The following PITPNC1 variants were observed in gnomAD, a reference collection of about 807,000 sequenced individuals.
The protein encoded by PITPNC1 is phosphatidylinositol transfer protein cytoplasmic 1.
PITPNC1 carries 18 observed loss-of-function variants against 44.7 expected under a neutral mutation model. The ratio of observed to expected loss-of-function variants is 0.40; its 90% CI spans 0.28 to 0.60. The LOEUF is 0.60. Among genes scored for constraint, PITPNC1 ranks in the 20% least tolerant of loss-of-function variants. The pLI is 0.39. For missense variants in PITPNC1, 290 were observed against 418.4 expected, an observed-to-expected ratio of 0.69 and a Z score of 2.68; for synonymous variants, 141 against 149.6, an observed-to-expected ratio of 0.94 and a Z score of 0.42.
chr17:67,533,333 C>T (rs894062404), intron 2 of PITPNC1, among the ~76,000 whole-genome samples: 2 of 152,306 alleles, frequency 1.3e-5, no homozygotes, highest in South Asian at 2.1e-4. Flanking sequence ...TCTGCAAAAT[C>T]GTCCTCAACT....
chr17:67,427,838 G>A (rs1320218047), intron 1 of PITPNC1, among the ~76,000 whole-genome samples: 1 of 152,188 alleles, frequency 6.6e-6, no homozygotes, highest in African/African-American at 2.4e-5. Flanking sequence ...TCGTGAGCAA[G>A]GTGCCTAGAA....
At chr17:67,647,017 T>A (rs554987167) in intron 6 of PITPNC1, among the ~76,000 whole-genome samples, 31 of 152,284 alleles carry the variant, frequency 2.0e-4, no homozygotes, top group Admixed American at 2.0e-4. Context: ...TCTTTGGAAA[T>A]CACTCTAAGA....
At chr17:67,563,439 C>G (rs570941291) in intron 4 of PITPNC1, among the ~76,000 whole-genome samples, 6 of 152,324 alleles carry the variant, frequency 3.9e-5, no homozygotes, top group African/African-American at 1.4e-4. Context: ...CTCAACTCTT[C>G]CATTTAACTT....
intron 1 of PITPNC1, among the ~76,000 whole-genome samples, chr17:67,530,134 CA>C (rs1391819392): frequency 7.2e-6 from 1 of 139,536 alleles, no homozygotes; most frequent in East Asian, 2.2e-4. Context: ...CTCTGTCATC[CA>C]GACTAGAGAG....
chr17:67,455,159 C>T (rs2143959419), intron 1 of PITPNC1, among the ~76,000 whole-genome samples: 1 of 152,258 alleles, frequency 6.6e-6, no homozygotes, highest in South Asian at 2.1e-4. Flanking sequence ...CCATACTATG[C>T]ATACTGCTTT....
intron 1 of PITPNC1, among the ~76,000 whole-genome samples, chr17:67,490,962 T>C (rs1417428343): frequency 6.6e-6 from 1 of 152,242 alleles, no homozygotes; most frequent in Non-Finnish European, 1.5e-5. Flanking sequence ...AGGTTTTGTT[T>C]TGTTTTGTTT....
chr17:67,391,685 T>C (rs1174409915), intron 1 of PITPNC1, among the ~76,000 whole-genome samples: 1 of 152,082 alleles, frequency 6.6e-6, no homozygotes, highest in Non-Finnish European at 1.5e-5. Context: ...TTCACCAGGT[T>C]GGCCAGGCTG....
At chr17:67,594,326 A>G (rs558474892) in intron 5 of PITPNC1, among the ~76,000 whole-genome samples, 2 of 152,172 alleles carry the variant, frequency 1.3e-5, no homozygotes, top group East Asian at 3.9e-4. Context: ...GTTATACCTC[A>G]TGGGAACCAC....
At chr17:67,582,963 C>T in intron 5 of PITPNC1, among the ~76,000 whole-genome samples, 1 of 152,210 alleles carries the variant, frequency 6.6e-6, no homozygotes, top group East Asian at 1.9e-4. Flanking sequence ...TTTACTTCCT[C>T]TTCCAAACAA....
chr17:67,579,155 C>T (rs2041192401), intron 5 of PITPNC1, among the ~76,000 whole-genome samples: 1 of 152,262 alleles, frequency 6.6e-6, no homozygotes. Context: ...TACTAAATTT[C>T]AGCCAAGTAT....
intron 1 of PITPNC1, among the ~76,000 whole-genome samples, chr17:67,399,817 C>A (rs1215817932): frequency 6.6e-6 from 1 of 152,190 alleles, no homozygotes; most frequent in Admixed American, 6.5e-5. Context: ...GCCAAAGTAC[C>A]TGTAAGTTGC....
intron 1 of PITPNC1, among the ~76,000 whole-genome samples, chr17:67,459,460 A>G (rs571332403): frequency 1.3e-5 from 2 of 152,166 alleles, no homozygotes; most frequent in East Asian, 3.9e-4. Flanking sequence ...ATGGTGACTC[A>G]TGGTTTCACC....
rs573583404 is a variant in PITPNC1, at chr17:67,426,685, T to G, written c.48+48483T>G. Among the ~76,000 whole-genome samples, 5 of 151,920 alleles carry G rather than the reference T, an allele frequency of 3.3e-5. No individual in the cohort carries two copies. The East Asian group carries it at 9.7e-4, about 29-fold the overall frequency. On this transcript the variant is annotated intron_variant, in intron 1 of 8. Transcript: ENST00000581322. ...AACCACCATGGCACACATATACCTA[T>G]GTAACAAAACTGCTCATTCTGCACA...
chr17:67,494,324 C>T (rs868715260), intron 1 of PITPNC1, among the ~76,000 whole-genome samples: 1 of 151,762 alleles, frequency 6.6e-6, no homozygotes, highest in East Asian at 1.9e-4. Flanking sequence ...CTCAGCCTCC[C>T]GAGTACCTGT....
chr17:67,671,828 A>G (rs982686066), intron 7 of PITPNC1, among the ~76,000 whole-genome samples: 1 of 152,174 alleles, frequency 6.6e-6, no homozygotes, highest in Non-Finnish European at 1.5e-5. Flanking sequence ...CTTTGTGTCT[A>G]TCTAAGGCAG....
chr17:67,599,036 T>TATATGTATA (rs1568059523), intron 5 of PITPNC1, among the ~76,000 whole-genome samples: 2 of 32,924 alleles, frequency 6.1e-5, no homozygotes, highest in Non-Finnish European at 1.2e-4. Flanking sequence ...ATATATATAT[T>TATATGTATA]TTTTTTTTTT....
At chr17:67,621,180 C>CATTTT (rs10653389) in intron 5 of PITPNC1, among the ~76,000 whole-genome samples, 10,793 of 129,712 alleles carry the variant, frequency 0.083, 617 homozygotes, top group Admixed American at 0.14. Flanking sequence ...GTCTGAAGCA[C>CATTTT]ATTTTATTTT....
intron 5 of PITPNC1, among the ~76,000 whole-genome samples, chr17:67,616,726 T>C (rs2041762209): frequency 1.3e-5 from 2 of 152,214 alleles, no homozygotes; most frequent in Non-Finnish European, 2.9e-5. Context: ...GGGACCCCAC[T>C]GTGGATTCCT....
intron 8 of PITPNC1, among the ~76,000 whole-genome samples, chr17:67,687,560 T>C (rs1159557786): frequency 6.6e-6 from 1 of 152,224 alleles, no homozygotes; most frequent in Non-Finnish European, 1.5e-5. Flanking sequence ...CACTCACTTA[T>C]TCATTCAAGG....
Sources: gnomAD v4.1 joint callset for allele counts (sites outside exome capture counted in the v4.1 genomes callset) on GRCh38, gnomAD v4.1.1 for gene constraint, MANE v1.5 for transcripts, NCBI Gene and HGNC (gene_info 2026-07-23, HGNC 2026-07-21) for gene names.